NEK11: variants seen among roughly 807,000 people sequenced by gnomAD.
NEK11 encodes NIMA related kinase 11, also known as serine/threonine-protein kinase Nek11.
A neutral mutation model predicts 80.7 loss-of-function variants in NEK11; 72 were observed. The ratio of observed to expected loss-of-function variants is 0.89; its 90% CI spans 0.74 to 1.08. NEK11 has a LOEUF of 1.08. NEK11 is among the 50% of genes least tolerant of loss of function. NEK11 has a pLI of 0.00. For synonymous variants in NEK11, 251 were observed against 260.7 expected (o/e 0.96, Z 0.36); for missense variants, 764 against 763.6 (o/e 1.00, Z -0.01).
intron 7 of NEK11, among the ~76,000 whole-genome samples, chr3:131,137,746 A>G (rs1346273214): frequency 6.6e-6 from 1 of 152,222 alleles, no homozygotes. Context: ...GGTTAATAAC[A>G]TAGCTAATAA....
At chr3:131,058,207 G>A (rs1213854882) in intron 3 of NEK11, among the ~76,000 whole-genome samples, 1 of 152,138 alleles carries the variant, frequency 6.6e-6, no homozygotes, top group East Asian at 1.9e-4. Flanking sequence ...GTAGATATGC[G>A]GCGTTATTTC....
At chr3:131,262,770 C>T (rs1477857067) in intron 16 of NEK11, among the ~76,000 whole-genome samples, 1 of 152,092 alleles carries the variant, frequency 6.6e-6, no homozygotes, top group Non-Finnish European at 1.5e-5. Context: ...CCCATCAGCC[C>T]GTCATCTACA....
intron 17 of NEK11, chr3:131,328,851 G>A (rs1024934394): frequency 1.3e-5 from 2 of 152,178 alleles, no homozygotes; most frequent in Non-Finnish European, 2.9e-5. Flanking sequence ...AACTTACATG[G>A]CAGACGGTGG....
intron 14 of NEK11, among the ~76,000 whole-genome samples, chr3:131,206,736 T>C (rs1420540834): frequency 6.6e-6 from 1 of 152,220 alleles, no homozygotes; most frequent in Non-Finnish European, 1.5e-5. Context: ...TTGTTACATA[T>C]GTATACATGT....
chr3:131,219,521 A>G (rs527281785), intron 14 of NEK11, among the ~76,000 whole-genome samples: 26 of 150,534 alleles, frequency 1.7e-4, no homozygotes, highest in African/African-American at 6.1e-4. Context: ...ACAAACCTGC[A>G]TGTTCTGCAC....
At chr3:131,210,843 C>G (rs2094588354) in intron 14 of NEK11, among the ~76,000 whole-genome samples, 1 of 152,068 alleles carries the variant, frequency 6.6e-6, no homozygotes, top group Non-Finnish European at 1.5e-5. Flanking sequence ...TTCCTCCATC[C>G]CTTTATTTTG....
At chr3:131,211,160 C>T (rs2094600110) in intron 14 of NEK11, among the ~76,000 whole-genome samples, 1 of 152,168 alleles carries the variant, frequency 6.6e-6, no homozygotes, top group African/African-American at 2.4e-5. Flanking sequence ...TCTTGTAAGG[C>T]AGGCCTGGTA....
chr3:131,094,534 T>C (rs527734958), intron 4 of NEK11, among the ~76,000 whole-genome samples: 1 of 152,324 alleles, frequency 6.6e-6, no homozygotes, highest in Non-Finnish European at 1.5e-5. Context: ...ATTGTGTTTG[T>C]AATAACTTAT....
intron 14 of NEK11, among the ~76,000 whole-genome samples, chr3:131,184,367 T>A (rs2093505997): frequency 6.6e-6 from 1 of 152,166 alleles, no homozygotes; most frequent in African/African-American, 2.4e-5. Context: ...TTTAACAACA[T>A]CTCAGTGATT....
At chr3:131,155,217 G>A in intron 10 of NEK11, 96 bp downstream of exon 10, 2 of 775,638 alleles carry the variant, frequency 2.6e-6, no homozygotes, top group Non-Finnish European at 4.3e-6. Context: ...ACTGCATCGA[G>A]TATCCTAGAA....
rs1266843998 is a variant in NEK11, at chr3:131,121,780, C to T, written c.456-10965C>T. On this transcript the variant is annotated intron_variant, in intron 5 of 17. Coordinates refer to ENST00000383366, the MANE Select transcript of NEK11 (RefSeq NM_024800.5). ...GAGGCTCCGTGGGTGTGGGACCCTC[C>T]AAGCCATGCATGGGATATAATCTCC... Among the ~76,000 whole-genome samples the T allele has an allele frequency of 4.6e-5, 7 of 152,316 alleles. No homozygotes were observed. In the South Asian group the frequency reaches 1.4e-3, roughly 32 times the overall value.
At chr3:131,319,846 G>A (rs1455354261) in intron 17 of NEK11, among the ~76,000 whole-genome samples, 1 of 151,842 alleles carries the variant, frequency 6.6e-6, no homozygotes, top group Non-Finnish European at 1.5e-5. Flanking sequence ...TCTAGCCTCT[G>A]AAAACATTTT....
chr3:131,181,736 A>T (rs1419959945), intron 14 of NEK11, among the ~76,000 whole-genome samples: 3 of 106,730 alleles, frequency 2.8e-5, no homozygotes, highest in Non-Finnish European at 5.3e-5. Flanking sequence ...ACAGAGCGAG[A>T]CTCCGCCTCA....
intron 17 of NEK11, among the ~76,000 whole-genome samples, chr3:131,340,311 G>A (rs2097265022): frequency 6.6e-6 from 1 of 152,154 alleles, no homozygotes. Context: ...GTAAGTATGG[G>A]ATTCAAAATT....
chr3:131,325,738 C>CA (rs1211511189), intron 17 of NEK11: 3 of 152,062 alleles, frequency 2.0e-5, no homozygotes, highest in Admixed American at 2.0e-4. Flanking sequence ...GTACAAACAT[C>CA]AAAAAACAAA....
chr3:131,145,876 G>A (rs1314862212), intron 7 of NEK11, among the ~76,000 whole-genome samples: 1 of 152,050 alleles, frequency 6.6e-6, no homozygotes, highest in Non-Finnish European at 1.5e-5. Flanking sequence ...GTAAGTTAAT[G>A]AGTTAAAATA....
At chr3:131,110,023 A>G (rs554971414) in intron 5 of NEK11, 102 bp downstream of exon 5, 3 of 1,215,040 alleles carry the variant, frequency 2.5e-6, no homozygotes, top group South Asian at 2.9e-5. Context: ...AACAAGTTCA[A>G]AAGGTATATG....
At chr3:131,149,945 T>C (rs2089294399) in intron 7 of NEK11, among the ~76,000 whole-genome samples, 1 of 152,074 alleles carries the variant, frequency 6.6e-6, no homozygotes, top group African/African-American at 2.4e-5. Context: ...TTAAGTTTTT[T>C]TGTAATATAT....
chr3:131,177,962 G>T (rs112697553), intron 14 of NEK11, among the ~76,000 whole-genome samples: 2 of 152,156 alleles, frequency 1.3e-5, no homozygotes, highest in Non-Finnish European at 2.9e-5. Flanking sequence ...AGCCTAATGC[G>T]CATCTAGGCT....
Sources: allele counts gnomAD v4.1 joint callset (sites outside exome capture counted in the v4.1 genomes callset), GRCh38; gene constraint gnomAD v4.1.1; transcripts MANE v1.5; gene names NCBI Gene and HGNC (gene_info 2026-07-23, HGNC 2026-07-21).